Variants in CES5A observed in about 807,000 individuals in gnomAD.
CES5A encodes carboxylesterase 5A.
In CES5A, 67 loss-of-function variants were observed where a neutral mutation model predicts 62.9. The ratio of observed to expected loss-of-function variants is 1.07; its 90% CI spans 0.88 to 1.31. CES5A has a LOEUF of 1.31. CES5A is among the 50% of genes most tolerant of loss of function. The pLI is 0.00. For synonymous variants in CES5A, 296 were observed against 280.8 expected (o/e 1.05, Z -0.54); for missense variants, 748 against 708.5 (o/e 1.06, Z -0.63).
rs1242865147 is a variant in CES5A, at chr16:55,874,027, A to G, written c.84T>C (p.Ala28=). 5 of 1,604,858 alleles carry G rather than the reference A, an allele frequency of 3.1e-6. No homozygotes were observed. The highest frequency in any genetic ancestry group is 4.3e-6 in the Non-Finnish European group (5 of 1,176,344). Residue 28 remains alanine, a synonymous_variant, in exon 2 of 13, where the codon GCT becomes GCC. Transcript: ENST00000290567. Reference sequence around the variant, plus strand: ...GCCTGGTGTTCCTCTGTGGCCCTTCAGCAGAAGGCCCTGCGGGAACACATG... The same window carrying G: ...GCCTGGTGTTCCTCTGTGGCCCTTCGGCAGAAGGCCCTGCGGGAACACATG... ...VLAAPTKGPS[A]EGPQRNTRLG... is the part of the protein sequence containing the mutation.
chr16:55,873,698 G>T, intron 2 of CES5A, 135 bp downstream of exon 2: 1 of 780,732 alleles, frequency 1.3e-6, no homozygotes, highest in South Asian at 1.8e-5. Flanking sequence ...CAAACCACTC[G>T]CCCGAGTCTC....
intron 2 of CES5A, among the ~76,000 whole-genome samples, chr16:55,872,575 C>G (rs8056747): frequency 6.6e-6 from 1 of 152,086 alleles, no homozygotes; most frequent in East Asian, 1.9e-4. Context: ...TTAAGCAAGG[C>G]TGTAAATGTG....
upstream of CES5A, among the ~76,000 whole-genome samples, chr16:55,929,862 A>G (rs1881060180): frequency 6.6e-6 from 1 of 152,176 alleles, no homozygotes; most frequent in Non-Finnish European, 1.5e-5. Context: ...ATCTATCTTA[A>G]GTACTGATTT....
chr16:55,955,739 CA>C, intron 1 of CES5A: 1 of 1,297,978 alleles, frequency 7.7e-7, no homozygotes, highest in South Asian at 1.3e-5. Flanking sequence ...CCCAGAGAGA[CA>C]AAGTTGGGTG....
chr16:55,857,497 A>G (rs2033265597), intron 8 of CES5A, among the ~76,000 whole-genome samples: 1 of 152,218 alleles, frequency 6.6e-6, no homozygotes, highest in African/African-American at 2.4e-5. Flanking sequence ...CTAAATGAAT[A>G]CTAGGGCAGT....
chr16:55,878,698 C>T (rs2033725564), upstream of CES5A, among the ~76,000 whole-genome samples: 1 of 147,880 alleles, frequency 6.8e-6, no homozygotes, highest in Non-Finnish European at 1.5e-5. Context: ...ATCACTACAC[C>T]CCATTGCAGC....
At chr16:55,869,567 T>A in intron 4 of CES5A, 44 bp downstream of exon 4, 2 of 1,603,854 alleles carry the variant, frequency 1.2e-6, no homozygotes, top group Non-Finnish European at 1.7e-6. Context: ...ACTGCACTGC[T>A]GCCCTTTGGG....
upstream of CES5A, among the ~76,000 whole-genome samples, chr16:55,926,836 C>T (rs150374710): frequency 5.9e-5 from 9 of 152,254 alleles, no homozygotes; most frequent in Middle Eastern, 6.8e-3. Flanking sequence ...TTGCTAAGAC[C>T]TTTGCTCTTG....
At chr16:55,955,824 A>T (rs1280002163) in intron 1 of CES5A, 1 of 1,535,688 alleles carries the variant, frequency 6.5e-7, no homozygotes, top group East Asian at 2.4e-5. Context: ...AGGCAGTAGC[A>T]CCCTGTGGCT....
chr16:55,869,901 G>C (rs1165905935), intron 3 of CES5A, among the ~76,000 whole-genome samples, 157 bp from the exon 4 acceptor site: 2 of 152,236 alleles, frequency 1.3e-5, no homozygotes, highest in African/African-American at 4.8e-5. Context: ...GGTTAAGCAT[G>C]TGGGCTCTGG....
At chr16:55,919,703 A>G (rs2034182723) in intron 1 of CES5A, among the ~76,000 whole-genome samples, 1 of 152,254 alleles carries the variant, frequency 6.6e-6, no homozygotes. Flanking sequence ...ATCAATTTAT[A>G]CATTCCAAAA....
chr16:55,854,216 G>A (rs575525217), intron 9 of CES5A, among the ~76,000 whole-genome samples: 394 of 152,218 alleles, frequency 2.6e-3, no homozygotes, highest in South Asian at 0.025. Flanking sequence ...ACTACTTACT[G>A]TTTAAAAAGC....
chr16:55,902,920 T>A (rs897529208), intron 1 of CES5A, among the ~76,000 whole-genome samples: 1 of 151,614 alleles, frequency 6.6e-6, no homozygotes, highest in Non-Finnish European at 1.5e-5. Context: ...CAGGTCAATA[T>A]GGAAATAGGA....
chr16:55,950,386 A>T (rs1466056312), intron 1 of CES5A, among the ~76,000 whole-genome samples: 4 of 152,262 alleles, frequency 2.6e-5, no homozygotes, highest in African/African-American at 7.2e-5. Context: ...TCTAATTAGT[A>T]TTCTCATGCA....
intron 2 of CES5A, among the ~76,000 whole-genome samples, chr16:55,940,298 CAGAG>C (rs2034432735): frequency 6.6e-6 from 1 of 151,430 alleles, no homozygotes; most frequent in African/African-American, 2.4e-5. Context: ...GCAAGACTGA[CAGAG>C]AAAGAAGAGA....
At chr16:55,911,731 G>A (rs1169446935) in intron 1 of CES5A, among the ~76,000 whole-genome samples, 1 of 152,102 alleles carries the variant, frequency 6.6e-6, no homozygotes, top group African/African-American at 2.4e-5. Context: ...AGAAAGGTGG[G>A]GCCAGGAAAG....
chr16:55,890,218 A>C (rs1291283125), intron 1 of CES5A, among the ~76,000 whole-genome samples: 1 of 145,784 alleles, frequency 6.9e-6, no homozygotes, highest in Admixed American at 6.9e-5. Context: ...GAAGAATTCC[A>C]AGACAACTTG....
chr16:55,846,894 C>T, intron 11 of CES5A, 54 bp from the exon 12 acceptor site: 2 of 1,470,360 alleles, frequency 1.4e-6, no homozygotes, highest in Non-Finnish European at 1.9e-6. Context: ...CGGGAAGCCC[C>T]GGGTGCCTTG....
chr16:55,865,236 T>C (rs1405756433), intron 5 of CES5A, among the ~76,000 whole-genome samples: 2 of 152,032 alleles, frequency 1.3e-5, no homozygotes, highest in Admixed American at 6.6e-5. Context: ...AAACCATATA[T>C]GTGTGTGTAT....
Sources: allele counts gnomAD v4.1 joint callset (sites outside exome capture counted in the v4.1 genomes callset), GRCh38; gene constraint gnomAD v4.1.1; transcripts MANE v1.5; gene names NCBI Gene and HGNC (gene_info 2026-07-23, HGNC 2026-07-21).